FAM117A: variants seen among roughly 807,000 people sequenced by gnomAD.
FAM117A encodes protein FAM117A.
FAM117A carries 21 observed loss-of-function variants against 44.1 expected under a neutral mutation model. The observed-to-expected ratio is 0.48, with a 90% CI of 0.34 to 0.69. The LOEUF is 0.69. Ranked by LOEUF, FAM117A falls within the 30% of genes least tolerant of loss-of-function variation. FAM117A has a pLI of 0.01. For synonymous variants in FAM117A, 220 were observed against 238.3 expected (o/e 0.92, Z 0.71); for missense variants, 498 against 589.9 (o/e 0.84, Z 1.61).
At chr17:49,711,738 C>A (rs2073479650) in intron 7 of FAM117A, among the ~76,000 whole-genome samples, 183 bp from the exon 8 acceptor site, 1 of 152,096 alleles carries the variant, frequency 6.6e-6, no homozygotes, top group Non-Finnish European at 1.5e-5. Context: ...TATGGCTAAA[C>A]AACGGGAAAT....
upstream of FAM117A, chr17:49,765,829 G>A (rs1456192634): frequency 2.0e-5 from 3 of 152,168 alleles, no homozygotes; most frequent in African/African-American, 7.2e-5. Flanking sequence ...TCAATTTCAA[G>A]TAGTTCAAAG....
At chr17:49,732,483 A>G (rs2073589746) in intron 2 of FAM117A, 68 bp downstream of exon 2, 1 of 1,472,776 alleles carries the variant, frequency 6.8e-7, no homozygotes, top group South Asian at 1.2e-5. Context: ...AGGAAGACCA[A>G]AGGCCTCCTC....
chr17:49,713,774 G>A (rs2073489018), intron 7 of FAM117A, among the ~76,000 whole-genome samples: 1 of 152,104 alleles, frequency 6.6e-6, no homozygotes, highest in Admixed American at 6.6e-5. Context: ...CCAAAGTGCT[G>A]GAATTATAGG....
intron 2 of FAM117A, among the ~76,000 whole-genome samples, chr17:49,723,516 C>T (rs890317480): frequency 6.6e-6 from 1 of 152,158 alleles, no homozygotes; most frequent in African/African-American, 2.4e-5. Flanking sequence ...GGGAGGGGCC[C>T]AAGGGGGAAC....
upstream of FAM117A, chr17:49,788,684 G>C (rs1387892715): frequency 6.1e-6 from 5 of 819,318 alleles, no homozygotes; most frequent in South Asian, 8.3e-5. Flanking sequence ...CGCCTGCGCA[G>C]AACGCTCCAG....
intron 1 of FAM117A, among the ~76,000 whole-genome samples, chr17:49,754,054 G>T (rs927845852): frequency 6.6e-6 from 1 of 152,120 alleles, no homozygotes; most frequent in African/African-American, 2.4e-5. Context: ...GCTAAATCCA[G>T]ACTATGTCAT....
At chr17:49,787,388 C>T (rs1035508540) in intron 1 of FAM117A, among the ~76,000 whole-genome samples, 4 of 152,220 alleles carry the variant, frequency 2.6e-5, no homozygotes, top group African/African-American at 9.7e-5. Context: ...GCACTAAAAG[C>T]TAAGTATTAA....
chr17:49,763,671 C>A (rs2073732345), intron 1 of FAM117A, among the ~76,000 whole-genome samples: 1 of 152,000 alleles, frequency 6.6e-6, no homozygotes, highest in Non-Finnish European at 1.5e-5. Context: ...CCCTCACCTC[C>A]GGGACCCGAC....
intron 1 of FAM117A, among the ~76,000 whole-genome samples, chr17:49,739,721 TACG>T (rs1371774973): frequency 6.6e-6 from 1 of 152,194 alleles, no homozygotes; most frequent in Non-Finnish European, 1.5e-5. Flanking sequence ...GGGAGGGAAA[TACG>T]ACAATAGGCT....
At chr17:49,731,075 A>G (rs1456015349) in intron 2 of FAM117A, among the ~76,000 whole-genome samples, 2 of 152,228 alleles carry the variant, frequency 1.3e-5, no homozygotes, top group Non-Finnish European at 2.9e-5. Context: ...AACATTCACT[A>G]ACAACATTTG....
chr17:49,721,998 C>A (rs1267040852), intron 3 of FAM117A, among the ~76,000 whole-genome samples: 3 of 152,056 alleles, frequency 2.0e-5, no homozygotes, highest in Admixed American at 1.3e-4. Flanking sequence ...ACTTAGGAGG[C>A]TGAGGCAGGA....
chr17:49,785,452 A>G (rs947383948), intron 1 of FAM117A, among the ~76,000 whole-genome samples: 3 of 152,232 alleles, frequency 2.0e-5, no homozygotes, highest in African/African-American at 7.2e-5. Flanking sequence ...TCAAGGTTGC[A>G]GTGAGCTATG....
In FAM117A at chr17:49,716,187, C is replaced by T; in HGVS notation, c.1039G>A (p.Val347Met). 6.2e-7 allele frequency: 1 copy of T among 1,612,306 alleles called. No individual in the cohort carries two copies. Among genetic ancestry groups the T allele is most frequent in the East Asian group, 2.2e-5 (1 of 44,816 alleles). Residue 347 changes from valine to methionine, a missense_variant, in exon 7 of 8, where the codon GTG (valine) becomes ATG (methionine). Coordinates refer to ENST00000240364, the MANE Select transcript of FAM117A (RefSeq NM_030802.4). The part of the protein sequence containing the change: ...KREPPEGCEK[V>M]RVFEEATSPG... ...CACGTGGCTTCTTCAAACACACGCA[C>T]TTTCTCACAGCCTTCTGGGGGCTCC... is the stretch of plus-strand genomic sequence containing the variant.
intron 7 of FAM117A, among the ~76,000 whole-genome samples, chr17:49,713,997 TAAAAG>T (rs1428514374): frequency 6.6e-6 from 1 of 151,970 alleles, no homozygotes; most frequent in Non-Finnish European, 1.5e-5. Context: ...GAGAAGGGTT[TAAAAG>T]AGTCCCAATT....
At chr17:49,771,647 G>A (rs1383192596) in intron 1 of FAM117A, among the ~76,000 whole-genome samples, 1 of 152,184 alleles carries the variant, frequency 6.6e-6, no homozygotes, top group African/African-American at 2.4e-5. Flanking sequence ...TGTGTCAAGT[G>A]GGTACCTTGA....
At position 49,714,015 on chromosome 17, in the gene FAM117A, C is replaced by T. The variant is rs541613572; in HGVS notation, c.1061+2150G>A. ...AAGGGTTTAAAAGAGTCCCAATTTACGGAGGGATGGGGAATGGGCAAGAGA... is the reference window on the plus strand; with the variant it reads ...AAGGGTTTAAAAGAGTCCCAATTTATGGAGGGATGGGGAATGGGCAAGAGA... On this transcript the variant is annotated intron_variant, in intron 7 of 7. Coordinates refer to ENST00000240364, the MANE Select transcript of FAM117A (RefSeq NM_030802.4). Among the ~76,000 whole-genome samples, 7 of 152,118 alleles carry T rather than the reference C, an allele frequency of 4.6e-5. No individual in the cohort carries two copies. In the South Asian group the frequency reaches 1.0e-3, roughly 23 times the overall value.
intron 7 of FAM117A, among the ~76,000 whole-genome samples, chr17:49,714,896 A>G (rs2143690885): frequency 6.6e-6 from 1 of 151,856 alleles, no homozygotes; most frequent in Admixed American, 6.6e-5. Context: ...ATAAACACGC[A>G]CCTCAGCCTC....
chr17:49,711,666 G>T, intron 7 of FAM117A, 111 bp from the exon 8 acceptor site: 1 of 1,039,056 alleles, frequency 9.6e-7, no homozygotes, highest in Non-Finnish European at 1.4e-6. Context: ...CTGGGTCTCT[G>T]TTCAAACAGA....
At chr17:49,742,582 G>A (rs148681646) in intron 1 of FAM117A, among the ~76,000 whole-genome samples, 2 of 152,226 alleles carry the variant, frequency 1.3e-5, no homozygotes, top group Non-Finnish European at 2.9e-5. Context: ...GTTACTGATT[G>A]GAACATACTT....
Sources: gnomAD v4.1 joint callset for allele counts (sites outside exome capture counted in the v4.1 genomes callset) on GRCh38, gnomAD v4.1.1 for gene constraint, MANE v1.5 for transcripts, NCBI Gene and HGNC (gene_info 2026-07-23, HGNC 2026-07-21) for gene names.